The following KIAA1217 variants were observed in gnomAD, a reference collection of about 807,000 sequenced individuals.
KIAA1217 encodes sickle tail protein homolog.
A neutral mutation model predicts 163.9 loss-of-function variants in KIAA1217; 88 were observed. The observed-to-expected ratio is 0.54, with a 90% confidence interval of 0.45 to 0.64. The LOEUF (loss-of-function observed/expected upper bound fraction) is 0.64. Ranked by LOEUF, KIAA1217 falls within the 30% of genes least tolerant of loss-of-function variation. The pLI is 0.00. For missense variants in KIAA1217, 2,372 were observed against 2,475.0 expected (o/e 0.96, Z 0.88); for synonymous variants, 903 against 923.1 (o/e 0.98, Z 0.39).
intron 2 of KIAA1217, among the ~76,000 whole-genome samples, chr10:24,098,288 G>A (rs149225579): frequency 8.3e-4 from 127 of 152,182 alleles, no homozygotes; most frequent in Admixed American, 1.4e-3. Context: ...TAACTGTGGA[G>A]GAGATACAAC....
chr10:24,113,064 C>T (rs2062918442), intron 2 of KIAA1217, among the ~76,000 whole-genome samples: 1 of 152,118 alleles, frequency 6.6e-6, no homozygotes, highest in Non-Finnish European at 1.5e-5. Flanking sequence ...CCATGACACA[C>T]CCTGATTCCA....
At chr10:24,432,037 T>C (rs2059637996) in intron 3 of KIAA1217, among the ~76,000 whole-genome samples, 1 of 151,874 alleles carries the variant, frequency 6.6e-6, no homozygotes, top group Non-Finnish European at 1.5e-5. Context: ...ATTGTGTTCC[T>C]AGTTAATGAA....
upstream of KIAA1217, among the ~76,000 whole-genome samples, chr10:24,206,861 T>C (rs2067580696): frequency 6.6e-6 from 1 of 152,146 alleles, no homozygotes; most frequent in African/African-American, 2.4e-5. Context: ...CAAGGTCGGC[T>C]GACCAAGGGG....
intron 1 of KIAA1217, among the ~76,000 whole-genome samples, chr10:23,867,597 G>A (rs1696316501): frequency 3.9e-5 from 6 of 152,128 alleles, no homozygotes; most frequent in Admixed American, 3.9e-4. Context: ...TTCTGTGATG[G>A]CCAGTGATGA....
At chr10:24,262,495 CG>C (rs1399872406) in intron 2 of KIAA1217, among the ~76,000 whole-genome samples, 2 of 152,002 alleles carry the variant, frequency 1.3e-5, no homozygotes, top group East Asian at 3.9e-4. Context: ...GGCGAGGTGG[CG>C]GGCAACTGTA....
At chr10:24,412,447 C>G (rs2057871534) in intron 3 of KIAA1217, among the ~76,000 whole-genome samples, 2 of 152,238 alleles carry the variant, frequency 1.3e-5, no homozygotes. Context: ...TTGGACCCAT[C>G]CATTGATGCC....
In KIAA1217 at chr10:23,786,659, G is replaced by C. The variant is rs149418569; in HGVS notation, c.-321+91425G>C. Among the ~76,000 whole-genome samples, 750 of 152,148 alleles carry C rather than the reference G, an allele frequency of 4.9e-3. 5 individuals are homozygous for C. The highest frequency in any genetic ancestry group is 0.016 in the African/African-American group (676 of 41,528). On this transcript the variant is annotated intron_variant, in intron 1 of 18. Transcript: ENST00000376462. Reference sequence around the variant, plus strand: ...CCTGTAATCATTAAGCATAGGCCATGGCAGAGTTTTCATAGCCTTGCTTCC... The same window carrying C: ...CCTGTAATCATTAAGCATAGGCCATCGCAGAGTTTTCATAGCCTTGCTTCC...
At chr10:24,194,796 G>C (rs1171392554) in intron 2 of KIAA1217, among the ~76,000 whole-genome samples, 1 of 122,086 alleles carries the variant, frequency 8.2e-6, no homozygotes, top group Non-Finnish European at 1.6e-5. Flanking sequence ...TTAGAGAGAA[G>C]AGTCTCAGTA....
At chr10:23,866,213 T>A (rs910015285) in intron 1 of KIAA1217, among the ~76,000 whole-genome samples, 3 of 152,104 alleles carry the variant, frequency 2.0e-5, no homozygotes, top group Non-Finnish European at 4.4e-5. Flanking sequence ...GGGGGAGATA[T>A]TGCTGTGCTT....
intron 2 of KIAA1217, among the ~76,000 whole-genome samples, chr10:24,198,478 G>T (rs2067093411): frequency 6.6e-6 from 1 of 151,866 alleles, no homozygotes; most frequent in Admixed American, 6.6e-5. Flanking sequence ...GCGTGGTGGT[G>T]CAGGCCTATA....
intron 1 of KIAA1217, among the ~76,000 whole-genome samples, chr10:23,938,606 C>T (rs1843630296): frequency 6.6e-6 from 1 of 151,834 alleles, no homozygotes; most frequent in Non-Finnish European, 1.5e-5. Context: ...TGTAGCATAA[C>T]AACTATTTAC....
At chr10:23,991,516 T>G (rs1048432449) in intron 1 of KIAA1217, among the ~76,000 whole-genome samples, 2 of 152,162 alleles carry the variant, frequency 1.3e-5, no homozygotes, top group African/African-American at 2.4e-5. Flanking sequence ...ATATATTCAG[T>G]GCTGTGGTTC....
At chr10:24,291,819 C>T (rs2079118340) in intron 2 of KIAA1217, among the ~76,000 whole-genome samples, 2 of 152,166 alleles carry the variant, frequency 1.3e-5, no homozygotes, top group Non-Finnish European at 2.9e-5. Flanking sequence ...AGATCAATAG[C>T]TATTATTTAA....
chr10:24,371,747 AT>A (rs59218561), intron 2 of KIAA1217, among the ~76,000 whole-genome samples: 23,926 of 152,210 alleles, frequency 0.16, 2,146 homozygotes, highest in South Asian at 0.3. Context: ...GAAGACAGGA[AT>A]TGGGCATGAA....
At position 24,543,215 on chromosome 10, in the gene KIAA1217, T is replaced by C; in HGVS notation, c.3945T>C (p.Asp1315=). 6.2e-7 allele frequency: 1 copy of C among 1,612,910 alleles called. No individual in the cohort carries two copies. The highest frequency in any genetic ancestry group is 1.1e-5 in the South Asian group (1 of 91,026). ...KTKEMEKQNT[D]KCHVSSHTRL... is the part of the protein sequence containing the mutation. The stretch of plus-strand genomic sequence containing the variant: ...AGGAGATGGAAAAGCAAAATACGGA[T>C]AAGTGTCACGTTTCCTCTCACACTA... Residue 1315 remains aspartate (D), a synonymous_variant, in exon 19 of 21, where the codon GAT becomes GAC. Transcript: ENST00000376454.
chr10:24,022,093 T>A (rs906367672), intron 2 of KIAA1217, among the ~76,000 whole-genome samples: 4 of 151,134 alleles, frequency 2.6e-5, no homozygotes, highest in African/African-American at 9.7e-5. Flanking sequence ...AGAAAAAAAC[T>A]GACAAACTGG....
chr10:23,696,026 C>A (rs1836014050), intron 1 of KIAA1217, among the ~76,000 whole-genome samples: 1 of 152,204 alleles, frequency 6.6e-6, no homozygotes, highest in East Asian at 1.9e-4. Flanking sequence ...CCCGGACTGT[C>A]CTGAGCTGCT....
chr10:24,522,031 C>G, intron 12 of KIAA1217, 102 bp downstream of exon 12: 1 of 1,328,730 alleles, frequency 7.5e-7, no homozygotes, highest in Non-Finnish European at 1.0e-6. Flanking sequence ...GCTCCCAGGA[C>G]ACATCCAGTG....
intron 2 of KIAA1217, among the ~76,000 whole-genome samples, chr10:24,302,687 A>C (rs56833074): frequency 6.6e-6 from 1 of 152,282 alleles, no homozygotes; most frequent in East Asian, 1.9e-4. Flanking sequence ...GTGCTATGAA[A>C]AAAAAATAAG....
Sources: allele counts gnomAD v4.1 joint callset (sites outside exome capture counted in the v4.1 genomes callset), GRCh38; gene constraint gnomAD v4.1.1; transcripts MANE v1.5; gene names NCBI Gene and HGNC (gene_info 2026-07-23, HGNC 2026-07-21).